MOV10L1: variants seen among roughly 807,000 people sequenced by gnomAD.
MOV10L1 encodes the protein RNA helicase Mov10l1.
A neutral mutation model predicts 143.8 loss-of-function variants in MOV10L1; 110 were observed. The ratio of observed to expected loss-of-function variants is 0.76; its 90% CI spans 0.66 to 0.90. The LOEUF is 0.90. Among genes scored for constraint, MOV10L1 ranks in the 40% least tolerant of loss-of-function variants. The pLI is 0.00. For missense variants in MOV10L1, 1,406 were observed against 1,526.8 expected (o/e 0.92, Z 1.32); for synonymous variants, 593 against 581.1 (o/e 1.02, Z -0.29).
Position 50,152,184 on chromosome 22 carries a change from T to C in MOV10L1, c.2893-861T>C, listed in dbSNP as rs1399324988. ...CAGGTTTTCACCAACAGGGGCTTTG[T>C]TAACTCATCCCAAGGAGGGAGAGCC... On this transcript the variant is annotated intron_variant, in intron 21 of 26. Coordinates refer to ENST00000262794, the MANE Select transcript of MOV10L1 (RefSeq NM_018995.3). This position sits in a 1 kb window ranked among gnomAD's most constrained non-coding sequence, Gnocchi z 4.4. 6.6e-6 allele frequency among the ~76,000 whole-genome samples: 1 copy of C among 152,198 alleles called. No individual in the cohort carries two copies. Among genetic ancestry groups the C allele is most frequent in the Non-Finnish European group, 1.5e-5 (1 of 68,024 alleles).
Position 50,096,568 on chromosome 22 carries a change from T to C in MOV10L1, c.283-2875T>C, listed in dbSNP as rs972880441. On this transcript the variant is annotated intron_variant, in intron 2 of 26. Coordinates refer to ENST00000262794, the MANE Select transcript of MOV10L1 (RefSeq NM_018995.3). ...GGAACCAGATGTTTTCCACAGCAGC[T>C]GCACCGTTATATGTTCCCACCAACA... 3.3e-5 allele frequency: 5 copies of C among 152,396 alleles called. No individual in the cohort carries two copies. In the East Asian group the frequency reaches 9.6e-4, roughly 29 times the overall value. The allele number at this position is 152,396 out of a possible 1,614,324, so 9.4% of individuals were successfully genotyped here.
chr22:50,099,746 G>A, intron 3 of MOV10L1, 144 bp downstream of exon 3: 1 of 926,530 alleles, frequency 1.1e-6, no homozygotes, highest in Non-Finnish European at 1.6e-6. Flanking sequence ...CCAGGAGTTG[G>A]AGGCTGCAGT....
chr22:50,147,673 CA>C (rs202119328), intron 19 of MOV10L1, among the ~76,000 whole-genome samples: 3,269 of 152,324 alleles, frequency 0.021, 53 homozygotes, highest in South Asian at 0.058. Flanking sequence ...TGGGGAGGGG[CA>C]CTTCAAAGGG....
In MOV10L1 at chr22:50,090,548, A is replaced by C. The variant is rs143891230; in HGVS notation, c.97+363A>C. On this transcript the variant is annotated intron_variant, in intron 1 of 26. Transcript: ENST00000262794. ...AAAGCCCCGAAAAACGCGGCCCCGC[A>C]GACTTGGCCTGTCCTTTCAGAACGC... The C allele has an allele frequency of 1.1e-4, 172 of 1,596,496 alleles. 1 individual carries two copies. The East Asian group carries it at 2.7e-3, about 25-fold the overall frequency.
rs1300988682 is a variant in MOV10L1, at chr22:50,111,210, G to A, written c.743+2366G>A. ...GCCTTTTTCCAAAGATGATTTTGAG[G>A]CCTTCAATATTTAAAAGAGAAAAGT... On this transcript the variant is annotated intron_variant, in intron 5 of 26. Transcript: ENST00000262794. 4.6e-5 allele frequency among the ~76,000 whole-genome samples: 7 copies of A among 152,188 alleles called. No individual in the cohort carries two copies. In the East Asian group the frequency reaches 1.2e-3, roughly 25 times the overall value.
chr22:50,134,757 T>A (rs1381095133), intron 15 of MOV10L1, 127 bp downstream of exon 15: 1 of 757,280 alleles, frequency 1.3e-6, no homozygotes, highest in South Asian at 1.8e-5. Context: ...TGTAACTGTC[T>A]ACACAGGGGG....
At chr22:50,142,902 C>T (rs1466207686) in intron 16 of MOV10L1, 141 bp from the exon 17 acceptor site, 2 of 703,464 alleles carry the variant, frequency 2.8e-6, no homozygotes, top group African/African-American at 3.6e-5. Context: ...TACCCCTGGT[C>T]ACACTGAAGA....
intron 17 of MOV10L1, 73 bp from the exon 18 acceptor site, chr22:50,144,024 T>G: frequency 1.3e-6 from 2 of 1,553,414 alleles, no homozygotes; most frequent in Non-Finnish European, 8.8e-7. Context: ...ATGTGTGTGT[T>G]GAGGTTAGAC....
chr22:50,135,620 G>A (rs1019492454), intron 15 of MOV10L1, among the ~76,000 whole-genome samples: 2 of 151,602 alleles, frequency 1.3e-5, no homozygotes, highest in Non-Finnish European at 2.9e-5. Context: ...GCATGATGGT[G>A]TACACCTGTA....
rs558331662 is a variant in MOV10L1, at chr22:50,158,426, G to A, written c.3216+220G>A. 52 of 549,492 alleles carry A rather than the reference G, an allele frequency of 9.5e-5. No homozygotes were observed. The highest frequency in any genetic ancestry group is 7.8e-4 in the African/African-American group (40 of 51,524). 34.0% of individuals were successfully genotyped at this position (549,492 alleles called of 1,614,324 possible). A position where few individuals can be genotyped will look rare whatever the true frequency, so the allele number is the denominator to read the frequency against. ...CCAGCTTTTCTACGGCCAGAGCCTC[G>A]AACAGTTTTTACATTTCTAAATGGT... is the stretch of plus-strand genomic sequence containing the variant. On this transcript the variant is annotated intron_variant, in intron 23 of 26. Transcript: ENST00000262794. This position sits in a 1 kb window ranked among gnomAD's most constrained non-coding sequence, Gnocchi z 5.0.
In MOV10L1 at chr22:50,116,660, C is replaced by CT. The variant is rs397867977; in HGVS notation, c.1260-474dup. On this transcript the variant is annotated intron_variant, in intron 8 of 26. Coordinates refer to ENST00000262794, the MANE Select transcript of MOV10L1 (RefSeq NM_018995.3). ...CAAAAAAGACTATTGTAGATGCTTA[C>CT]TTTTTTTTTTTTTTTTTTTTTTTGA... Among the ~76,000 whole-genome samples, 777 of 104,088 alleles carry CT rather than the reference C, an allele frequency of 7.5e-3. 14 individuals are homozygous for CT. The highest frequency in any genetic ancestry group is 0.013 in the East Asian group (42 of 3,342). The allele number at this position is 104,088 out of a possible 152,430, so 68.3% of individuals were successfully genotyped here. A position where few individuals can be genotyped will look rare whatever the true frequency, so the allele number is the denominator to read the frequency against.
chr22:50,161,196 TG>T, intron 26 of MOV10L1, 141 bp downstream of exon 26: 1 of 1,054,252 alleles, frequency 9.5e-7, no homozygotes, highest in Non-Finnish European at 1.4e-6. Flanking sequence ...CACCTCATCC[TG>T]GGCTGCAGCA....
At chr22:50,105,163 T>C (rs2061837834) in intron 3 of MOV10L1, among the ~76,000 whole-genome samples, 1 of 152,264 alleles carries the variant, frequency 6.6e-6, no homozygotes, top group Admixed American at 6.5e-5. Context: ...AAGCAAAATC[T>C]GTAAAATGTA....
At chr22:50,148,445 C>T (rs2063209828) in intron 19 of MOV10L1, among the ~76,000 whole-genome samples, 1 of 152,184 alleles carries the variant, frequency 6.6e-6, no homozygotes, top group African/African-American at 2.4e-5. Context: ...TCCGCAGCTT[C>T]TCCTGACGAC....
chr22:50,101,082 C>G (rs2061732579), intron 3 of MOV10L1, among the ~76,000 whole-genome samples: 1 of 152,018 alleles, frequency 6.6e-6, no homozygotes, highest in Non-Finnish European at 1.5e-5. Context: ...TTTGCACAGC[C>G]CACAGCACTG....
Position 50,127,976 on chromosome 22 carries a change from G to A in MOV10L1, c.1819-440G>A, listed in dbSNP as rs937851377. Among the ~76,000 whole-genome samples, 3 of 152,240 alleles carry A rather than the reference G, an allele frequency of 2.0e-5. No homozygotes were observed. In the South Asian group the frequency reaches 6.2e-4, roughly 32 times the overall value. On this transcript the variant is annotated intron_variant, in intron 12 of 26. Transcript: ENST00000262794. ...TTAGTGGAGATGGTTTCGCCCCGTT[G>A]GCCAGGCTGGTCTCAAACTCCTGAC...
intron 22 of MOV10L1, among the ~76,000 whole-genome samples, chr22:50,157,576 G>T (rs977952704): frequency 3.3e-5 from 5 of 152,028 alleles, no homozygotes; most frequent in African/African-American, 1.2e-4. Context: ...AGCAGCGTTG[G>T]TTGAAAAACT....
At chr22:50,145,157 G>A (rs899470694) in intron 18 of MOV10L1, among the ~76,000 whole-genome samples, 4 of 151,370 alleles carry the variant, frequency 2.6e-5, no homozygotes, top group African/African-American at 9.7e-5. Flanking sequence ...GGTCAGGCTG[G>A]TCACGAACTC....
chr22:50,091,565 C>G (rs1413550506), intron 1 of MOV10L1: 2 of 159,844 alleles, frequency 1.3e-5, no homozygotes, highest in African/African-American at 4.8e-5. Context: ...GCGTGTCAGC[C>G]ACGCAGAGGT....
Sources: gnomAD v4.1 joint callset for allele counts (sites outside exome capture counted in the v4.1 genomes callset) on GRCh38, gnomAD v4.1.1 for gene constraint, Gnocchi (gnomAD v3.1) non-coding constraint, MANE v1.5 for transcripts, NCBI Gene and HGNC (gene_info 2026-07-23, HGNC 2026-07-21) for gene names.